NCL: variants seen among roughly 807,000 people sequenced by gnomAD.
NCL encodes nucleolin multifunctional protein.
NCL carries 4 observed loss-of-function variants against 77.7 expected under a neutral mutation model. The ratio of observed to expected loss-of-function variants is 0.05; its 90% CI spans 0.03 to 0.12. The LOEUF is 0.12. NCL is among the 10% of genes least tolerant of loss of function. NCL has a pLI of 1.00. For missense variants in NCL, 763 were observed against 860.9 expected, an observed-to-expected ratio of 0.89 and a Z score of 1.42; for synonymous variants, 344 against 297.8, an observed-to-expected ratio of 1.16 and a Z score of -1.60.
In NCL at chr2:231,455,201, T is replaced by G. The variant is rs759572277; in HGVS notation, c.2123A>C (p.Lys708Thr). ...GDHKPQGKKTKFE is the reference protein window; with the variant it reads ...GDHKPQGKKTTFE Reference sequence around the variant, plus strand: ...GCAGAGGGACAGAAGCTATTCAAACTTCGTCTTCTTTCCTTGTGGCTTGTG... The same window carrying G: ...GCAGAGGGACAGAAGCTATTCAAACGTCGTCTTCTTTCCTTGTGGCTTGTG... The change falls in exon 14 of 14, where the codon AAG becomes ACG. Residue 708 changes from lysine to threonine, a missense_variant. Transcript: ENST00000322723. 6.2e-7 allele frequency: 1 copy of G among 1,614,200 alleles called. No homozygotes were observed. The highest frequency in any genetic ancestry group is 8.5e-7 in the Non-Finnish European group (1 of 1,180,038).
At chr2:231,460,344 G>A (rs1377103516) in intron 5 of NCL, 51 bp from the exon 6 acceptor site, 2 of 1,612,930 alleles carry the variant, frequency 1.2e-6, no homozygotes, top group South Asian at 1.1e-5. Context: ...TAAAAAGTTA[G>A]TTTCCAAAGC....
intron 12 of NCL, 137 bp downstream of exon 12, chr2:231,455,873 C>A: frequency 7.2e-7 from 1 of 1,394,058 alleles, no homozygotes; most frequent in Non-Finnish European, 1.0e-6. Flanking sequence ...TGTGAATTCT[C>A]TCTTCTTCTC....
In NCL at chr2:231,458,526, T is replaced by G. The variant is rs1575260287; in HGVS notation, c.1166-137A>C. ...TCCTATAATGTACAAGGCTCGGTGC[T>G]AAATATGGAGATATAGCAGTGTCAA... On this transcript the variant is annotated intron_variant, in intron 7 of 13. Transcript: ENST00000322723. 9 of 1,112,232 alleles carry G rather than the reference T, an allele frequency of 8.1e-6. No homozygotes were observed. The East Asian group carries it at 2.1e-4, about 25-fold the overall frequency. The allele number at this position is 1,112,232 out of a possible 1,614,324, so 68.9% of individuals were successfully genotyped here. A position where few individuals can be genotyped will look rare whatever the true frequency, so the allele number is the denominator to read the frequency against.
chr2:231,454,867 C>A lies in NCL; in HGVS notation c.*324G>T, dbSNP rs71355951. On this transcript the variant is annotated 3_prime_UTR_variant, in exon 14 of 14. Coordinates refer to ENST00000322723, the MANE Select transcript of NCL (RefSeq NM_005381.3). ...AACGCAAAAAAAAAAAAAACAAAAA[C>A]AAAACAAAAAAAAGAAACAACAACA... 6,577 of 166,898 alleles carry A rather than the reference C, an allele frequency of 0.039. 280 individuals carry two copies. The highest frequency in any genetic ancestry group is 0.055 in the Non-Finnish European group (4,556 of 82,232). 10.3% of individuals were successfully genotyped at this position (166,898 alleles called of 1,614,324 possible).
At chr2:231,462,986 T>TA in intron 2 of NCL, 1 of 527,802 alleles carries the variant, frequency 1.9e-6, no homozygotes, top group Non-Finnish European at 3.3e-6. Flanking sequence ...GAGGAACATG[T>TA]AAAAGAAATT....
At chr2:231,456,485 TTCA>T in intron 11 of NCL, 143 bp downstream of exon 11, 1 of 1,341,530 alleles carries the variant, frequency 7.5e-7, no homozygotes, top group South Asian at 1.2e-5. Flanking sequence ...TTCTTGAGAT[TTCA>T]TCAATTATTT....
rs778782800 is a variant in NCL, at chr2:231,461,753, C to T, written c.400G>A (p.Ala134Thr). ...TTCTTGGCATTCTTGCCATTCTTTG[C>T]CCCCTTGGCTGGGATGGCAGCACCC... ...KKGAAIPAKG[A>T]KNGKNAKKED... The change falls in exon 3 of 14, where the codon GCA becomes ACA. Residue 134 changes from alanine to threonine, a missense_variant. Physicochemically the swap from Ala to Thr is moderately conservative, Grantham distance 58. This residue lies in a region of NCL where 590 missense variants were observed against 570.5 expected (regional missense o/e 1.03). Transcript: ENST00000322723. 1 of 1,614,248 alleles carries T rather than the reference C, an allele frequency of 6.2e-7. No individual in the cohort carries two copies. The highest frequency in any genetic ancestry group is 8.5e-7 in the Non-Finnish European group (1 of 1,180,048).
At position 231,460,501 on chromosome 2, in the gene NCL, T is replaced by C; in HGVS notation, c.875A>G (p.Glu292Gly). ...KEMAKQKAAP[E>G]AKKQKVEGTE... ...ACCTTCCACTTTCTGTTTCTTGGCT[T>C]CAGGAGCTGCTTTCTGTTTGGCCAT... is the stretch of plus-strand genomic sequence containing the variant. The change falls in exon 5 of 14, where the codon GAA becomes GGA. Residue 292 changes from glutamate (E) to glycine (G), a missense_variant. Glu to Gly is a moderately conservative substitution (Grantham distance 98, BLOSUM62 -2). Coordinates refer to ENST00000322723, the MANE Select transcript of NCL (RefSeq NM_005381.3). 1.9e-6 allele frequency: 3 copies of C among 1,614,254 alleles called. No individual in the cohort carries two copies. Among genetic ancestry groups the C allele is most frequent in the Non-Finnish European group, 2.5e-6 (3 of 1,180,048 alleles).
At chr2:231,458,955 G>T (rs777941047) in intron 7 of NCL, 46 bp downstream of exon 7, 1 of 1,489,014 alleles carries the variant, frequency 6.7e-7, no homozygotes, top group South Asian at 1.4e-5. Context: ...TTCCCTAGCA[G>T]TCTAGCTCCT....
rs201409564 is a variant in NCL at position 231,454,846 on chromosome 2, C to CAAAAAAAAAAAAAAAA, written c.*344_*345insTTTTTTTTTTTTTTTT. 3.2e-4 allele frequency: 31 copies of CAAAAAAAAAAAAAAAA among 97,112 alleles called. No individual in the cohort carries two copies. Among genetic ancestry groups the CAAAAAAAAAAAAAAAA allele is most frequent in the Non-Finnish European group, 4.7e-4 (21 of 44,626 alleles). The allele number at this position is 97,112 out of a possible 1,614,324, so 6.0% of individuals were successfully genotyped here. A position where few individuals can be genotyped will look rare whatever the true frequency, so the allele number is the denominator to read the frequency against. Reference sequence around the variant, plus strand: ...CTTTTCTTTTACAACCCCACGAACGCAAAAAAAAAAAAAACAAAAACAAAA... The same window carrying CAAAAAAAAAAAAAAAA: ...CTTTTCTTTTACAACCCCACGAACGCAAAAAAAAAAAAAAAAAAAAAAAAAAAAAACAAAAACAAAA... On this transcript the variant is annotated 3_prime_UTR_variant, in exon 14 of 14. Transcript: ENST00000322723.
chr2:231,460,977 G>T, intron 3 of NCL, 111 bp from the exon 4 acceptor site: 1 of 931,318 alleles, frequency 1.1e-6, no homozygotes. Context: ...TAACAGTCAT[G>T]GCAAGAATAG....
At position 231,460,573 on chromosome 2, in the gene NCL, G is replaced by A. The variant is rs766714314; in HGVS notation, c.812-9C>T. 1.2e-6 allele frequency: 2 copies of A among 1,614,158 alleles called. No individual in the cohort carries two copies. Among genetic ancestry groups the A allele is most frequent in the Non-Finnish European group, 1.7e-6 (2 of 1,180,020 alleles). Reference sequence around the variant, plus strand: ...TGCTTCTTTGACAGGCTCTGGACAAGATGTCAAACAATGTATCACACATCA... The same window carrying A: ...TGCTTCTTTGACAGGCTCTGGACAAAATGTCAAACAATGTATCACACATCA... On this transcript the variant is annotated splice_polypyrimidine_tract_variant and intron_variant, in intron 4 of 13. Transcript: ENST00000322723.
At chr2:231,458,438 TG>T (rs774649999) in intron 7 of NCL, 49 bp from the exon 8 acceptor site, 8 of 1,595,078 alleles carry the variant, frequency 5.0e-6, no homozygotes, top group Non-Finnish European at 5.1e-6. Context: ...AAACCAAAGG[TG>T]GGGGGCAACA....
rs1428761912 is a variant in NCL at position 231,455,151 on chromosome 2, C to T, written c.*40G>A. 1 of 1,611,414 alleles carries T rather than the reference C, an allele frequency of 6.2e-7. No homozygotes were observed. Among genetic ancestry groups the T allele is most frequent in the African/African-American group, 1.3e-5 (1 of 74,868 alleles). On this transcript the variant is annotated 3_prime_UTR_variant, in exon 14 of 14. Coordinates refer to ENST00000322723, the MANE Select transcript of NCL (RefSeq NM_005381.3). ...AGGTAACAGTAAAAACCCCAGAGTC[C>T]TTTCTTTCAAATGGAAAAGGGAAAG... is the stretch of plus-strand genomic sequence containing the variant.
Position 231,458,275 on chromosome 2 carries a change from T to C in NCL, c.1280A>G (p.Lys427Arg). The C allele has an allele frequency of 1.2e-6, 2 of 1,613,788 alleles. No homozygotes were observed. The highest frequency in any genetic ancestry group is 8.5e-7 in the Non-Finnish European group (1 of 1,179,888). Reference protein sequence around the residue: ...AEIRLVSKDGKSKGIAYIEFK... With the variant: ...AEIRLVSKDGRSKGIAYIEFK... ...AATAGACAGAACATACCCTTTACTT[T>C]TCCCATCCTTGCTGACTAATCTGAT... The change falls in exon 8 of 14, where the codon AAA becomes AGA. Residue 427 changes from lysine to arginine, a missense_variant. Physicochemically the swap from Lys to Arg is conservative, Grantham distance 26 (BLOSUM62 2). Around this residue, in one of 2 missense-constraint regions of NCL, gnomAD observed 590 missense variants for 570.5 expected, o/e 1.03. Coordinates refer to ENST00000322723, the MANE Select transcript of NCL (RefSeq NM_005381.3).
chr2:231,458,893 A>G (rs1575260566), intron 7 of NCL, 108 bp downstream of exon 7: 1 of 1,257,338 alleles, frequency 8.0e-7, no homozygotes, highest in East Asian at 2.6e-5. Flanking sequence ...CAAAGGAAAA[A>G]AATGATTTAA....
At chr2:231,463,111 C>A in intron 2 of NCL, 89 bp downstream of exon 2, 1 of 954,972 alleles carries the variant, frequency 1.0e-6, no homozygotes, top group Non-Finnish European at 1.6e-6. Context: ...TGAATAAAAT[C>A]TTATTTTTGC....
chr2:231,463,985 A>T (rs749807498), intron 1 of NCL: 4 of 518,454 alleles, frequency 7.7e-6, no homozygotes, highest in Non-Finnish European at 8.2e-6. Flanking sequence ...GGCGCGGCCC[A>T]CGTGGCAGGC....
At position 231,461,840 on chromosome 2, in the gene NCL, T is replaced by C. The variant is rs2046954899; in HGVS notation, c.313A>G (p.Thr105Ala). The C allele has an allele frequency of 6.2e-7, 1 of 1,613,558 alleles. No individual in the cohort carries two copies. Among genetic ancestry groups the C allele is most frequent in the Non-Finnish European group, 8.5e-7 (1 of 1,179,980 alleles). Reference protein sequence around the residue: ...KKTVTPAKAVTTPGKKGATPG... With the variant: ...KKTVTPAKAVATPGKKGATPG... ...GTGGCTCCCTTCTTGCCAGGTGTGG[T>C]AACTGCTTTGGCTGGTGTAACTGTC... The change falls in exon 3 of 14, where the codon ACC (threonine) becomes GCC (alanine). Residue 105 changes from threonine to alanine, a missense_variant. Thr to Ala is a moderately conservative substitution (Grantham distance 58, BLOSUM62 0). Transcript: ENST00000322723.
Sources: gnomAD v4.1 joint callset for allele counts on GRCh38, gnomAD v4.1.1 for gene constraint, gnomAD v4.1.1 regional missense constraint, MANE v1.5 for transcripts, NCBI Gene and HGNC (gene_info 2026-07-23, HGNC 2026-07-21) for gene names.